The following NTRK3 variants were observed in gnomAD, a reference collection of about 807,000 sequenced individuals.
NTRK3 encodes the protein neurotrophic receptor tyrosine kinase 3, also known as NT-3 growth factor receptor.
Under a neutral mutation model 91.7 loss-of-function variants are expected in NTRK3, and 24 were observed. That is an observed-to-expected ratio of 0.26 (90% confidence interval 0.19 to 0.37). The LOEUF (loss-of-function observed/expected upper bound fraction) is 0.37, where lower values mean the gene tolerates loss of function less well. NTRK3 is among the 10% of genes least tolerant of loss of function. The pLI, the probability that NTRK3 is intolerant of heterozygous loss-of-function variation, is 1.00. For missense variants in NTRK3, 880 were observed against 1,068.9 expected, an observed-to-expected ratio of 0.82 and a Z score of 2.46; for synonymous variants, 483 against 404.0, an observed-to-expected ratio of 1.20 and a Z score of -2.34.
At chr15:87,961,907 T>C (rs759638012) in intron 14 of NTRK3, among the ~76,000 whole-genome samples, 21 of 152,260 alleles carry the variant, frequency 1.4e-4, no homozygotes, top group Middle Eastern at 3.2e-3. Context: ...TACCCCTGCT[T>C]CCAGGAGCAT....
chr15:88,225,203 C>T (rs1342400969), intron 3 of NTRK3, among the ~76,000 whole-genome samples: 5 of 152,120 alleles, frequency 3.3e-5, no homozygotes, highest in Non-Finnish European at 7.4e-5. Flanking sequence ...TCAAGGCACC[C>T]CAGTGGATCT....
In NTRK3 at chr15:88,233,543, C is replaced by A. The variant is rs983323425; in HGVS notation, c.248+22363G>T. On this transcript the variant is annotated intron_variant, in intron 3 of 18. Transcript: ENST00000394480. The surrounding 1 kb of genome is among the most constrained non-coding windows in gnomAD (Gnocchi z 4.2). ...TCTAATCCCCCAGCTGCAGAGACTC[C>A]CCCAAGGACTTCCTAGTTGCCACAG... Among the ~76,000 whole-genome samples, 2 of 152,124 alleles carry A rather than the reference C, an allele frequency of 1.3e-5. No homozygotes were observed. The highest frequency in any genetic ancestry group is 2.9e-5 in the Non-Finnish European group (2 of 68,008).
intron 3 of NTRK3, among the ~76,000 whole-genome samples, chr15:88,187,415 C>T (rs1334376325): frequency 3.3e-5 from 5 of 152,168 alleles, no homozygotes; most frequent in Non-Finnish European, 5.9e-5. Context: ...ACTTGGTACC[C>T]AACCAGGAGG....
chr15:88,079,806 T>C (rs2047885305), intron 13 of NTRK3, among the ~76,000 whole-genome samples: 1 of 152,160 alleles, frequency 6.6e-6, no homozygotes, highest in Non-Finnish European at 1.5e-5. Context: ...AACTTGAAGA[T>C]GGCGAAAGAA....
intron 3 of NTRK3, among the ~76,000 whole-genome samples, chr15:88,245,463 T>G (rs1165677268): frequency 6.6e-6 from 1 of 152,176 alleles, no homozygotes; most frequent in Admixed American, 6.5e-5. Context: ...AAGCCTCTAC[T>G]CTTCCCACTA....
exon 19 of NTRK3, chr15:87,873,935 T>C (rs1596041511): frequency 8.7e-6 from 2 of 230,408 alleles, no homozygotes; most frequent in Non-Finnish European, 1.7e-5. Flanking sequence ...TGCAAGGCTG[T>C]CCTGCCATTC....
In NTRK3 at chr15:88,104,097, T is replaced by C. The variant is rs147142606; in HGVS notation, c.1396+22174A>G. On this transcript the variant is annotated intron_variant, in intron 13 of 18. Coordinates refer to ENST00000394480, the Ensembl canonical transcript of NTRK3. ...GCTTTGCCTCCAAAAGCAGAGCTGA[T>C]CCTGGGTCAGAGAATACCACTTTAT... is the stretch of plus-strand genomic sequence containing the variant. Among the ~76,000 whole-genome samples, 31 of 152,324 alleles carry C rather than the reference T, an allele frequency of 2.0e-4. 2 individuals carry two copies. The highest frequency in any genetic ancestry group is 7.5e-4 in the African/African-American group (31 of 41,570).
intron 3 of NTRK3, among the ~76,000 whole-genome samples, chr15:88,204,843 G>A (rs1326356602): frequency 1.3e-5 from 2 of 152,202 alleles, no homozygotes. Context: ...TTCATCAGGT[G>A]TCACCTCTCA....
At chr15:88,223,317 G>A (rs114113284) in intron 3 of NTRK3, among the ~76,000 whole-genome samples, 268 of 152,356 alleles carry the variant, frequency 1.8e-3, no homozygotes, top group African/African-American at 6.0e-3. Flanking sequence ...TGGAGGAGGG[G>A]GCTGGCCGCT....
At chr15:87,999,375 G>T (rs2075938628) in intron 14 of NTRK3, among the ~76,000 whole-genome samples, 1 of 152,162 alleles carries the variant, frequency 6.6e-6, no homozygotes, top group Admixed American at 6.5e-5. Flanking sequence ...GTACTTAGTA[G>T]TCTAAACTTG....
chr15:87,961,308 T>G (rs1004526873), intron 14 of NTRK3, among the ~76,000 whole-genome samples: 3 of 152,186 alleles, frequency 2.0e-5, no homozygotes, highest in African/African-American at 7.2e-5. Flanking sequence ...GGCATTAAGT[T>G]TAGAGACTAT....
intron 13 of NTRK3, among the ~76,000 whole-genome samples, chr15:88,081,013 C>T (rs1044357657): frequency 5.3e-5 from 8 of 152,208 alleles, no homozygotes; most frequent in East Asian, 3.8e-4. Context: ...TTGCACTAAG[C>T]GGAGAGAGGC....
At chr15:87,951,899 G>A (rs567359783) in intron 14 of NTRK3, among the ~76,000 whole-genome samples, 3 of 152,342 alleles carry the variant, frequency 2.0e-5, no homozygotes, top group Admixed American at 6.5e-5. Context: ...GGCTGAGGCA[G>A]ATAGATCACC....
intron 13 of NTRK3, among the ~76,000 whole-genome samples, chr15:88,084,194 C>T (rs1208602553): frequency 2.0e-5 from 3 of 151,640 alleles, no homozygotes; most frequent in Non-Finnish European, 2.9e-5. Context: ...GTTCAAACTG[C>T]GTTCAAAGCT....
exon 19 of NTRK3, chr15:87,869,227 C>T (rs980193674): frequency 8.7e-6 from 2 of 229,874 alleles, no homozygotes; most frequent in Non-Finnish European, 1.7e-5. Flanking sequence ...GCCACGGCTC[C>T]TCTGCTCCTG....
intron 13 of NTRK3, among the ~76,000 whole-genome samples, chr15:88,116,441 A>T (rs995288460): frequency 6.3e-4 from 96 of 152,078 alleles, no homozygotes; most frequent in African/African-American, 1.8e-3. Context: ...AAAAATTTAA[A>T]AAAAAAAAAA....
At chr15:87,860,189 T>G (rs1312222233) in exon 19 of NTRK3, 13 of 222,780 alleles carry the variant, frequency 5.8e-5, no homozygotes, top group Non-Finnish European at 9.0e-5. Flanking sequence ...CATGTTTGCC[T>G]TGGGATGGAA....
chr15:87,948,868 C>T (rs1198326382), intron 14 of NTRK3, among the ~76,000 whole-genome samples: 1 of 152,156 alleles, frequency 6.6e-6, no homozygotes, highest in Non-Finnish European at 1.5e-5. Context: ...GCTGGCCAGT[C>T]CATGCCTCGT....
In NTRK3 at chr15:88,243,104, C is replaced by T. The variant is rs1469850930; in HGVS notation, c.248+12802G>A. Reference sequence around the variant, plus strand: ...ACCAGGGACTTTGAGGAGCCCTGAGCTGAACTCCTCTTCCATTTCTTTCTT... The same window carrying T: ...ACCAGGGACTTTGAGGAGCCCTGAGTTGAACTCCTCTTCCATTTCTTTCTT... On this transcript the variant is annotated intron_variant, in intron 3 of 18. Transcript: ENST00000394480. This position sits in a 1 kb window ranked among gnomAD's most constrained non-coding sequence, Gnocchi z 4.8. 6.6e-6 allele frequency among the ~76,000 whole-genome samples: 1 copy of T among 152,196 alleles called. No individual in the cohort carries two copies. The highest frequency in any genetic ancestry group is 2.1e-4 in the South Asian group (1 of 4,826).
Sources: gnomAD v4.1 joint callset for allele counts (sites outside exome capture counted in the v4.1 genomes callset) on GRCh38, gnomAD v4.1.1 for gene constraint, Gnocchi (gnomAD v3.1) non-coding constraint, MANE v1.5 for transcripts, NCBI Gene and HGNC (gene_info 2026-07-23, HGNC 2026-07-21) for gene names.